Variants in KIF2C observed in about 807,000 individuals in gnomAD.
KIF2C encodes kinesin-like protein KIF2C.
KIF2C carries 34 observed loss-of-function variants against 97.4 expected under a neutral mutation model. The observed-to-expected ratio is 0.35, with a 90% CI of 0.27 to 0.46. The LOEUF (loss-of-function observed/expected upper bound fraction) is 0.46, where lower values mean the gene tolerates loss of function less well. Among genes scored for constraint, KIF2C ranks in the 20% least tolerant of loss-of-function variants. The pLI is 1.00. For synonymous variants in KIF2C, 313 were observed against 318.2 expected, an observed-to-expected ratio of 0.98 and a Z score of 0.17; for missense variants, 750 against 907.6, an observed-to-expected ratio of 0.83 and a Z score of 2.23.
chr1:44,756,764 C>T (rs541657900), intron 10 of KIF2C, among the ~76,000 whole-genome samples: 1 of 151,654 alleles, frequency 6.6e-6, no homozygotes, highest in Non-Finnish European at 1.5e-5. Context: ...GTTGGTCAGG[C>T]TGGTCTCAAA....
Position 44,760,887 on chromosome 1 carries a change from G to A in KIF2C, c.1683+185G>A, listed in dbSNP as rs186724325. On this transcript the variant is annotated intron_variant, in intron 16 of 20. Coordinates refer to ENST00000372224, the MANE Select transcript of KIF2C (RefSeq NM_006845.4). This position sits in a 1 kb window ranked among gnomAD's most constrained non-coding sequence, Gnocchi z 4.2. ...GAGACTCCTTGTGGCCTAACCAAGC[G>A]TGGAGGAAAGGATCTATTCCCTTTA... 21 of 591,592 alleles carry A rather than the reference G, an allele frequency of 3.5e-5. 1 individual carries two copies. Among genetic ancestry groups the A allele is most frequent in the South Asian group, 2.0e-4 (10 of 50,852 alleles). The allele number at this position is 591,592 out of a possible 1,614,324, so 36.6% of individuals were successfully genotyped here.
chr1:44,748,392 G>A (rs1485037243), intron 4 of KIF2C, among the ~76,000 whole-genome samples: 3 of 152,192 alleles, frequency 2.0e-5, no homozygotes, highest in Non-Finnish European at 4.4e-5. Flanking sequence ...GGGGCCCTGA[G>A]TGGAAGGTGG....
intron 2 of KIF2C, among the ~76,000 whole-genome samples, chr1:44,741,610 G>A (rs1427134770): frequency 6.6e-6 from 1 of 152,078 alleles, no homozygotes; most frequent in Admixed American, 6.6e-5. Flanking sequence ...GATTTAGCCT[G>A]GGAGGTTGAG....
At position 44,756,067 on chromosome 1, in the gene KIF2C, T is replaced by C. The variant is rs957600114; in HGVS notation, c.815-8T>C. 6.8e-6 allele frequency: 11 copies of C among 1,614,094 alleles called. No homozygotes were observed. The highest frequency in any genetic ancestry group is 5.9e-6 in the Non-Finnish European group (7 of 1,180,046). On this transcript the variant is annotated splice_region_variant and splice_polypyrimidine_tract_variant and intron_variant, in intron 9 of 20. Transcript: ENST00000372224. Reference sequence around the variant, plus strand: ...GGGAGCACCCCCTGAAATACTCTCCTTCTGCAGAATTGGCCAAGAAAGAAA... The same window carrying C: ...GGGAGCACCCCCTGAAATACTCTCCCTCTGCAGAATTGGCCAAGAAAGAAA...
In KIF2C at chr1:44,753,155, C is replaced by A; in HGVS notation, c.463C>A (p.Pro155Thr). 1.2e-6 allele frequency: 2 copies of A among 1,613,490 alleles called. No individual in the cohort carries two copies. Among genetic ancestry groups the A allele is most frequent in the African/African-American group, 2.7e-5 (2 of 75,022 alleles). Residue 155 changes from proline to threonine, a missense_variant, in exon 6 of 21, where the codon CCT (proline) becomes ACT (threonine). Coordinates refer to ENST00000372224, the MANE Select transcript of KIF2C (RefSeq NM_006845.4). ...AGCTGCCCCCACTAGGCCTTCCTGC[C>A]CTGCAGTGGCTGAAATACCATTGAG... is the stretch of plus-strand genomic sequence containing the variant. ...VPPAPTRPSC[P>T]AVAEIPLRMV...
chr1:44,750,982 T>C (rs1160544173), intron 5 of KIF2C, among the ~76,000 whole-genome samples: 1 of 151,740 alleles, frequency 6.6e-6, no homozygotes, highest in Non-Finnish European at 1.5e-5. Context: ...AGTTGAGGAG[T>C]CTAAGGTCTA....
rs1410005495 is a variant in KIF2C at position 44,745,441 on chromosome 1, A to G, written c.166-1943A>G. On this transcript the variant is annotated intron_variant, in intron 2 of 20. Transcript: ENST00000372224. The stretch of plus-strand genomic sequence containing the variant: ...ATAATCCCCATTAGAAATTGAGCTC[A>G]TGGTGGCAGGGGTTGTATATGTCTT... Among the ~76,000 whole-genome samples, 4 of 110,706 alleles carry G rather than the reference A, an allele frequency of 3.6e-5. No individual in the cohort carries two copies. In the East Asian group the frequency reaches 1.1e-3, roughly 30 times the overall value. The allele number at this position is 110,706 out of a possible 152,430, so 72.6% of individuals were successfully genotyped here.
chr1:44,741,092 G>GT, intron 2 of KIF2C, 85 bp downstream of exon 2: 1 of 1,045,416 alleles, frequency 9.6e-7, no homozygotes, highest in Non-Finnish European at 1.4e-6. Flanking sequence ...TGAGAGCCTA[G>GT]TTTCTGATGC....
At chr1:44,741,107 C>A in intron 2 of KIF2C, 100 bp downstream of exon 2, 1 of 862,952 alleles carries the variant, frequency 1.2e-6, no homozygotes, top group Non-Finnish European at 1.8e-6. Context: ...TGATGCTGTG[C>A]TCTTCTCACT....
chr1:44,740,760 GATTT>G (rs1648890140), intron 1 of KIF2C, among the ~76,000 whole-genome samples, 149 bp from the exon 2 acceptor site: 2 of 148,438 alleles, frequency 1.3e-5, no homozygotes, highest in South Asian at 4.3e-4. Context: ...AAGCCCAGGA[GATTT>G]ATTTGTTTCT....
chr1:44,761,894 A>G (rs762020488), intron 16 of KIF2C, 22 bp from the exon 17 acceptor site: 2 of 1,613,590 alleles, frequency 1.2e-6, no homozygotes, highest in Middle Eastern at 1.7e-4. Flanking sequence ...TCAGCCTTTA[A>G]TCACCCACCC....
chr1:44,766,112 G>C (rs1650450979), intron 19 of KIF2C, among the ~76,000 whole-genome samples: 1 of 152,170 alleles, frequency 6.6e-6, no homozygotes, highest in Admixed American at 6.5e-5. Flanking sequence ...TGTAGTCCCA[G>C]CTACTCGGGA....
rs138360889 is a variant in KIF2C, at chr1:44,767,110, C to T, written c.2109C>T (p.Ala703=). The change falls in exon 21 of 21, where the codon GCC becomes GCT. Residue 703 remains alanine, a synonymous_variant. Coordinates refer to ENST00000372224, the MANE Select transcript of KIF2C (RefSeq NM_006845.4). ...HFSALRDVIK[A]LRLAMQLEEQ... ...CCTTTCTTCCAGATGTCATCAAGGC[C>T]TTGCGCCTGGCCATGCAGCTGGAAG... is the stretch of plus-strand genomic sequence containing the variant. 49 of 1,614,032 alleles carry T rather than the reference C, an allele frequency of 3.0e-5. No individual in the cohort carries two copies. Among genetic ancestry groups the T allele is most frequent in the Non-Finnish European group, 3.6e-5 (43 of 1,180,018 alleles).
chr1:44,739,979 C>A lies in KIF2C; in HGVS notation c.47C>A (p.Ala16Asp). Residue 16 changes from alanine to aspartate, a missense_variant, in exon 1 of 21, where the codon GCT becomes GAT. Transcript: ENST00000372224. ...SLQARLFPGL[A>D]IKIQRSNGLI... is the part of the protein sequence containing the mutation. ...CAGGCCCGCCTGTTTCCCGGTCTCG[C>A]TATCAAGATCCAACGCAGTAATGGT... 1 of 1,614,238 alleles carries A rather than the reference C, an allele frequency of 6.2e-7. No individual in the cohort carries two copies. Among genetic ancestry groups the A allele is most frequent in the South Asian group, 1.1e-5 (1 of 91,086 alleles).
chr1:44,750,586 A>G (rs778007853), intron 5 of KIF2C, 22 bp downstream of exon 5: 11 of 1,503,996 alleles, frequency 7.3e-6, no homozygotes, highest in African/African-American at 1.4e-5. Flanking sequence ...ATGTGCCCCC[A>G]ACCACCATGT....
At chr1:44,744,716 T>G (rs1047914385) in intron 2 of KIF2C, among the ~76,000 whole-genome samples, 3 of 151,760 alleles carry the variant, frequency 2.0e-5, no homozygotes, top group African/African-American at 7.3e-5. Context: ...CTGGCCAATA[T>G]AGTGAACCTG....
intron 10 of KIF2C, 147 bp downstream of exon 10, chr1:44,756,384 G>A (rs1573567203): frequency 1.2e-6 from 1 of 842,508 alleles, no homozygotes; most frequent in East Asian, 2.4e-5. Flanking sequence ...CCCTTTGGCA[G>A]CTTAGTGGCC....
chr1:44,767,389 T>TGAA lies in KIF2C; in HGVS notation c.*210_*211insGAA, dbSNP rs1650528280. 2 of 503,936 alleles carry TGAA rather than the reference T, an allele frequency of 4.0e-6. No homozygotes were observed. The highest frequency in any genetic ancestry group is 7.3e-6 in the Non-Finnish European group (2 of 275,494). 31.2% of individuals were successfully genotyped at this position (503,936 alleles called of 1,614,324 possible). A position where few individuals can be genotyped will look rare whatever the true frequency, so the allele number is the denominator to read the frequency against. On this transcript the variant is annotated 3_prime_UTR_variant, in exon 21 of 21. Transcript: ENST00000372224. ...CTTTTCTGTTCCTCAGTTGTCGCCC[T>TGAA]CACGAGAGGAAGGAGCTCTTAGTTA...
Position 44,747,466 on chromosome 1 carries a change from A to G in KIF2C, c.248A>G (p.Gln83Arg), listed in dbSNP as rs1325610764. The G allele has an allele frequency of 4.4e-6, 7 of 1,608,232 alleles. 1 individual carries two copies. The South Asian group carries it at 4.5e-5, about 10-fold the overall frequency. ...CATCCGAAGGACAATCTGCCCTTGC[A>G]GGAAAATGTAACAATCCAGGTAGGT... The part of the protein sequence containing the change: ...PLHPKDNLPL[Q>R]ENVTIQKQKR... Residue 83 changes from glutamine (Q) to arginine (R), a missense_variant, in exon 3 of 21, where the codon CAG becomes CGG. Physicochemically the swap from Gln to Arg is conservative, Grantham distance 43. Transcript: ENST00000372224.
Sources: gnomAD v4.1 joint callset for allele counts (sites outside exome capture counted in the v4.1 genomes callset) on GRCh38, gnomAD v4.1.1 for gene constraint, Gnocchi (gnomAD v3.1) non-coding constraint, MANE v1.5 for transcripts, NCBI Gene and HGNC (gene_info 2026-07-23, HGNC 2026-07-21) for gene names.